Variants in ZMYM2 observed in about 807,000 individuals in gnomAD.
ZMYM2 encodes the protein zinc finger MYM-type containing 2.
Under a neutral mutation model 162.8 loss-of-function variants are expected in ZMYM2, and 56 were observed. The ratio of observed to expected loss-of-function variants is 0.34; its 90% CI spans 0.28 to 0.43. The LOEUF (loss-of-function observed/expected upper bound fraction) is 0.43. Ranked by LOEUF, ZMYM2 falls within the 20% of genes least tolerant of loss-of-function variation. The pLI, the probability that ZMYM2 is intolerant of heterozygous loss-of-function variation, is 1.00. For missense variants in ZMYM2, 1,275 were observed against 1,621.8 expected (o/e 0.79, Z 3.67); for synonymous variants, 510 against 541.6 (o/e 0.94, Z 0.81).
chr13:20,048,804 G>GT lies in ZMYM2; in HGVS notation c.2293-2614dup, dbSNP rs60116074. On this transcript the variant is annotated intron_variant, in intron 12 of 24. Transcript: ENST00000610343. ...TTAGATTTGTTTGAACCTGTGACTT[G>GT]TTTTTTTTTTTTTTTCCCCCTCCCT... Among the ~76,000 whole-genome samples the GT allele has an allele frequency of 2.6e-4, 38 of 143,676 alleles. 1 individual carries two copies. Among genetic ancestry groups the GT allele is most frequent in the African/African-American group, 8.8e-4 (34 of 38,572 alleles). The allele number at this position is 143,676 out of a possible 152,430, so 94.3% of individuals were successfully genotyped here.
chr13:19,916,178 C>T, the ZMYM2 span, among the ~76,000 whole-genome samples: 2 of 151,832 alleles, frequency 1.3e-5, no homozygotes, highest in African/African-American at 4.8e-5. Context: ...CACTTTTACG[C>T]CAGTTAGAAT....
chr13:20,002,517 A>G (rs1019568858), intron 3 of ZMYM2, among the ~76,000 whole-genome samples: 2 of 152,086 alleles, frequency 1.3e-5, no homozygotes, highest in African/African-American at 4.8e-5. Context: ...AATTGACAAA[A>G]CTTGTATATT....
intron 2 of ZMYM2, among the ~76,000 whole-genome samples, chr13:19,986,975 C>T (rs1310239350): frequency 6.6e-6 from 1 of 151,478 alleles, no homozygotes; most frequent in African/African-American, 2.4e-5. Flanking sequence ...CATGGTGGCT[C>T]ATGCCTGTAA....
intron 2 of ZMYM2, among the ~76,000 whole-genome samples, chr13:19,960,601 C>A (rs911251549): frequency 3.9e-5 from 6 of 152,160 alleles, no homozygotes; most frequent in Non-Finnish European, 8.8e-5. Flanking sequence ...GTATGCTGAT[C>A]AGTCCAGTGT....
At chr13:19,891,530 G>A in the ZMYM2 span, among the ~76,000 whole-genome samples, 1 of 148,426 alleles carries the variant, frequency 6.7e-6, no homozygotes, top group African/African-American at 2.5e-5. Context: ...AATCCCAGCA[G>A]TTTGAGAGGC....
At chr13:19,926,523 C>G in the ZMYM2 span, among the ~76,000 whole-genome samples, 1 of 151,602 alleles carries the variant, frequency 6.6e-6, no homozygotes, top group African/African-American at 2.4e-5. Flanking sequence ...GCCCCCAAGC[C>G]CAACTAATTT....
At chr13:20,046,617 GTGTA>G (rs1566387921) in intron 12 of ZMYM2, among the ~76,000 whole-genome samples, 4 of 52,008 alleles carry the variant, frequency 7.7e-5, no homozygotes, top group African/African-American at 3.2e-4. Context: ...GTATATATAT[GTGTA>G]TATATATGTG....
At chr13:20,072,914 CTT>C (rs1350736675) in intron 21 of ZMYM2, among the ~76,000 whole-genome samples, 6 of 144,474 alleles carry the variant, frequency 4.2e-5, no homozygotes, top group African/African-American at 5.0e-5. Flanking sequence ...TTTCTTAGTT[CTT>C]TTTTTTTTTT....
chr13:19,968,930 G>T (rs1011929436), intron 2 of ZMYM2, among the ~76,000 whole-genome samples: 7 of 152,172 alleles, frequency 4.6e-5, no homozygotes, highest in South Asian at 4.1e-4. Context: ...TATAAACAAA[G>T]TGTAATAGGT....
At chr13:20,035,259 A>C (rs1470531181) in intron 11 of ZMYM2, among the ~76,000 whole-genome samples, 1 of 152,234 alleles carries the variant, frequency 6.6e-6, no homozygotes, top group Non-Finnish European at 1.5e-5. Flanking sequence ...GCAAAATAAA[A>C]AGATTTATCA....
intron 5 of ZMYM2, 41 bp downstream of exon 5, chr13:20,005,280 G>A (rs896232621): frequency 2.2e-6 from 3 of 1,394,876 alleles, no homozygotes; most frequent in African/African-American, 1.5e-5. Flanking sequence ...CTAACAAATA[G>A]GAATATTTTA....
the ZMYM2 span, among the ~76,000 whole-genome samples, chr13:19,918,255 G>A: frequency 2.9e-4 from 44 of 152,088 alleles, no homozygotes; most frequent in African/African-American, 1.0e-3. Context: ...GACCAGCCGG[G>A]CCAACATGGT....
chr13:19,883,830 C>T, the ZMYM2 span, among the ~76,000 whole-genome samples: 1 of 152,182 alleles, frequency 6.6e-6, no homozygotes, highest in Non-Finnish European at 1.5e-5. Context: ...GATCTCGCCT[C>T]ACGGCAACCC....
chr13:19,962,496 GATAT>G lies in ZMYM2; in HGVS notation c.-11+2487_-11+2490del, dbSNP rs199575840. Among the ~76,000 whole-genome samples, 209 of 84,814 alleles carry G rather than the reference GATAT, an allele frequency of 2.5e-3. 1 individual carries two copies. The highest frequency in any genetic ancestry group is 5.4e-3 in the African/African-American group (89 of 16,466). The allele number at this position is 84,814 out of a possible 152,430, so 55.6% of individuals were successfully genotyped here. On this transcript the variant is annotated intron_variant, in intron 2 of 24. Coordinates refer to ENST00000610343, the MANE Select transcript of ZMYM2 (RefSeq NM_197968.4). ...AGACTGGGCTATTCAAATTGCATGG[GATAT>G]ATATATATATATATATTTTTTTTTT...
intron 7 of ZMYM2, among the ~76,000 whole-genome samples, chr13:20,021,668 C>T (rs1183755072): frequency 6.6e-6 from 1 of 152,098 alleles, no homozygotes. Flanking sequence ...TACTCTTGAA[C>T]AGGTAGCAAT....
chr13:19,950,658 G>C, the ZMYM2 span, among the ~76,000 whole-genome samples: 19 of 152,288 alleles, frequency 1.2e-4, no homozygotes, highest in African/African-American at 4.1e-4. Flanking sequence ...AACCTCTTCT[G>C]GTTCCGGGTC....
chr13:20,037,163 A>G (rs899144806), intron 12 of ZMYM2, among the ~76,000 whole-genome samples: 2 of 151,984 alleles, frequency 1.3e-5, no homozygotes, highest in Admixed American at 6.6e-5. Flanking sequence ...TAGTTTAACA[A>G]AATGGATTGT....
intron 2 of ZMYM2, among the ~76,000 whole-genome samples, chr13:19,963,843 G>C (rs1359043814): frequency 6.6e-6 from 1 of 152,104 alleles, no homozygotes; most frequent in South Asian, 2.1e-4. Context: ...CTTTTTAAGA[G>C]TTTAAAAAGA....
the ZMYM2 span, among the ~76,000 whole-genome samples, chr13:19,948,821 T>A: frequency 1.3e-5 from 2 of 152,152 alleles, no homozygotes; most frequent in African/African-American, 4.8e-5. Flanking sequence ...CTGCTCAAAT[T>A]TTCTGTGAAC....
Sources: allele counts gnomAD v4.1 joint callset (sites outside exome capture counted in the v4.1 genomes callset), GRCh38; gene constraint gnomAD v4.1.1; transcripts MANE v1.5; gene names NCBI Gene and HGNC (gene_info 2026-07-23, HGNC 2026-07-21).